Variants in TENM2 observed in about 807,000 individuals in gnomAD.
TENM2 encodes teneurin transmembrane protein 2, also known as teneurin-2.
In TENM2, 52 loss-of-function variants were observed where a neutral mutation model predicts 245.2. That is an observed-to-expected ratio of 0.21 (90% confidence interval 0.17 to 0.27). The LOEUF is 0.27. TENM2 is among the 10% of genes least tolerant of loss of function. The pLI is 1.00. For missense variants in TENM2, 3,046 were observed against 3,666.8 expected, an observed-to-expected ratio of 0.83 and a Z score of 4.37; for synonymous variants, 1,363 against 1,438.9, an observed-to-expected ratio of 0.95 and a Z score of 1.19.
intron 2 of TENM2, among the ~76,000 whole-genome samples, chr5:167,866,954 G>T (rs1561873623): frequency 6.6e-6 from 1 of 152,202 alleles, no homozygotes; most frequent in Non-Finnish European, 1.5e-5. Context: ...TAAACACTAG[G>T]GATGTAGAAC....
chr5:167,799,173 C>T (rs1765525774), intron 2 of TENM2, among the ~76,000 whole-genome samples: 1 of 152,212 alleles, frequency 6.6e-6, no homozygotes, highest in Non-Finnish European at 1.5e-5. Flanking sequence ...GAGAGGCACT[C>T]AGCTGTATCT....
chr5:167,157,209 T>A, the TENM2 span, among the ~76,000 whole-genome samples: 2 of 152,202 alleles, frequency 1.3e-5, no homozygotes, highest in African/African-American at 4.8e-5. Flanking sequence ...GTTACTGTTC[T>A]TCAGCGTTTG....
intron 2 of TENM2, among the ~76,000 whole-genome samples, chr5:167,615,904 A>T (rs1396250414): frequency 1.3e-5 from 2 of 152,124 alleles, no homozygotes; most frequent in African/African-American, 4.8e-5. Context: ...CTCCTAAGAA[A>T]TATTTGAACA....
upstream of TENM2, among the ~76,000 whole-genome samples, chr5:167,281,139 C>T (rs1204020961): frequency 1.3e-5 from 2 of 148,680 alleles, no homozygotes; most frequent in African/African-American, 5.0e-5. Flanking sequence ...AATGGAGTCT[C>T]ACTCTGTTGC....
chr5:167,555,243 G>A (rs918409206), intron 2 of TENM2, among the ~76,000 whole-genome samples: 1 of 152,154 alleles, frequency 6.6e-6, no homozygotes, highest in Non-Finnish European at 1.5e-5. Context: ...TGCTTTCTGG[G>A]AGATCTCAGC....
chr5:167,238,528 G>A, the TENM2 span, among the ~76,000 whole-genome samples: 1 of 152,080 alleles, frequency 6.6e-6, no homozygotes, highest in African/African-American at 2.4e-5. Context: ...GACAAGATTA[G>A]GTATTGAGGG....
intron 2 of TENM2, among the ~76,000 whole-genome samples, chr5:167,630,655 C>T (rs1329916120): frequency 6.6e-6 from 1 of 152,086 alleles, no homozygotes; most frequent in Non-Finnish European, 1.5e-5. Flanking sequence ...AAAAAGTCTC[C>T]AGTGGAACTC....
At chr5:168,225,439 T>A (rs1764076068) in intron 23 of TENM2, among the ~76,000 whole-genome samples, 1 of 152,132 alleles carries the variant, frequency 6.6e-6, no homozygotes, top group Non-Finnish European at 1.5e-5. Context: ...GAATATTGAT[T>A]TGATGGCTTT....
intron 2 of TENM2, among the ~76,000 whole-genome samples, chr5:167,777,702 A>G (rs1763908388): frequency 6.6e-6 from 1 of 152,192 alleles, no homozygotes; most frequent in African/African-American, 2.4e-5. Flanking sequence ...ATCTTAGAAG[A>G]GCATGTGATA....
chr5:168,070,791 G>GA (rs200241171), intron 7 of TENM2, among the ~76,000 whole-genome samples: 1 of 85,500 alleles, frequency 1.2e-5, no homozygotes, highest in Admixed American at 1.1e-4. Flanking sequence ...CAGAAAGAAA[G>GA]AAAGAGAGAG....
At chr5:167,780,078 C>T (rs766914457) in intron 2 of TENM2, among the ~76,000 whole-genome samples, 55 of 152,184 alleles carry the variant, frequency 3.6e-4, no homozygotes, top group Non-Finnish European at 7.5e-4. Flanking sequence ...CCGGGTGACT[C>T]TAGGTGGTTT....
chr5:167,363,896 AC>A lies in TENM2; in HGVS notation c.227-11301del, dbSNP rs535315645. On this transcript the variant is annotated intron_variant, in intron 1 of 28. Coordinates refer to ENST00000518659, the Ensembl canonical transcript of TENM2. ...TAACTATGTATAATAGAAAAACTAA[AC>A]AACAATTGAAAAGCAATATCAGTTT... is the stretch of plus-strand genomic sequence containing the variant. Among the ~76,000 whole-genome samples the A allele has an allele frequency of 2.2e-4, 34 of 152,166 alleles. No homozygotes were observed. The South Asian group carries it at 5.0e-3, about 22-fold the overall frequency.
At chr5:167,467,397 C>G (rs1766733151) in intron 2 of TENM2, among the ~76,000 whole-genome samples, 1 of 151,982 alleles carries the variant, frequency 6.6e-6, no homozygotes, top group African/African-American at 2.4e-5. Flanking sequence ...TTATAAATTA[C>G]CCAGTCTCAG....
the TENM2 span, among the ~76,000 whole-genome samples, chr5:167,007,756 TTAAATAGTGCATAA>T: frequency 2.0e-5 from 3 of 152,206 alleles, no homozygotes; most frequent in Non-Finnish European, 4.4e-5. This position sits in a 1 kb window ranked among gnomAD's most constrained non-coding sequence, Gnocchi z 4.2. Context: ...ATCCATTATT[TTAAATAGTGCATAA>T]TAAGCCACTG....
At chr5:167,464,706 T>A (rs17499941) in intron 2 of TENM2, among the ~76,000 whole-genome samples, 2 of 151,938 alleles carry the variant, frequency 1.3e-5, no homozygotes, top group Non-Finnish European at 2.9e-5. Context: ...GACAGAACCC[T>A]GGAACTGCAC....
intron 2 of TENM2, among the ~76,000 whole-genome samples, chr5:167,478,332 A>G (rs1180123679): frequency 1.3e-5 from 2 of 152,242 alleles, no homozygotes; most frequent in Admixed American, 6.5e-5. Context: ...ACTGCTAAAC[A>G]TGTGCCTGTA....
At chr5:167,130,242 A>C in the TENM2 span, among the ~76,000 whole-genome samples, 1 of 152,224 alleles carries the variant, frequency 6.6e-6, no homozygotes, top group Admixed American at 6.5e-5. Flanking sequence ...TTCTCTGGAC[A>C]TAGAAATACA....
intron 2 of TENM2, among the ~76,000 whole-genome samples, chr5:167,561,953 G>T (rs1426104937): frequency 6.6e-6 from 1 of 152,184 alleles, no homozygotes; most frequent in Non-Finnish European, 1.5e-5. Context: ...CATTTGCTGG[G>T]CTGGGATAGT....
At chr5:167,330,515 G>T (rs1238652200) in intron 1 of TENM2, among the ~76,000 whole-genome samples, 1 of 152,022 alleles carries the variant, frequency 6.6e-6, no homozygotes, top group African/African-American at 2.4e-5. Context: ...GTGAGAACGA[G>T]CTGTTTTCAC....
Sources: allele counts gnomAD v4.1 joint callset (sites outside exome capture counted in the v4.1 genomes callset), GRCh38; gene constraint gnomAD v4.1.1; non-coding constraint Gnocchi (gnomAD v3.1); transcripts MANE v1.5; gene names NCBI Gene and HGNC (gene_info 2026-07-23, HGNC 2026-07-21).